The following KIAA1217 variants were observed in gnomAD, a reference collection of about 807,000 sequenced individuals.
KIAA1217 encodes the protein sickle tail protein homolog.
Under a neutral mutation model 163.9 loss-of-function variants are expected in KIAA1217, and 88 were observed. The observed-to-expected ratio is 0.54, with a 90% CI of 0.45 to 0.64. KIAA1217 has a LOEUF of 0.64. Among genes scored for constraint, KIAA1217 ranks in the 30% least tolerant of loss-of-function variants. The pLI is 0.00. For synonymous variants in KIAA1217, 903 were observed against 923.1 expected (o/e 0.98, Z 0.39); for missense variants, 2,372 against 2,475.0 (o/e 0.96, Z 0.88).
At chr10:24,002,396 C>G (rs906122197) in intron 1 of KIAA1217, among the ~76,000 whole-genome samples, 3 of 152,244 alleles carry the variant, frequency 2.0e-5, no homozygotes, top group Middle Eastern at 3.4e-3. Flanking sequence ...GCCCCCACCT[C>G]TAACCACGGA....
intron 5 of KIAA1217, chr10:24,466,627 T>G: frequency 2.0e-6 from 2 of 985,434 alleles, no homozygotes; most frequent in South Asian, 9.4e-5. Context: ...GATCTTTGTG[T>G]CTTTTGTGAT....
intron 2 of KIAA1217, among the ~76,000 whole-genome samples, chr10:24,133,317 A>G (rs936555190): frequency 2.0e-5 from 3 of 152,160 alleles, no homozygotes; most frequent in Admixed American, 6.5e-5. Flanking sequence ...TCATGCTATA[A>G]TCTCAGCATT....
chr10:24,269,016 A>T (rs1040955821), intron 2 of KIAA1217, among the ~76,000 whole-genome samples: 1 of 136,874 alleles, frequency 7.3e-6, no homozygotes, highest in African/African-American at 2.8e-5. Flanking sequence ...CAATGAGATC[A>T]CATGGACACA....
At chr10:23,886,237 C>A (rs1267543869) in intron 1 of KIAA1217, among the ~76,000 whole-genome samples, 1 of 151,920 alleles carries the variant, frequency 6.6e-6, no homozygotes, top group African/African-American at 2.4e-5. Flanking sequence ...CCTCTTATTG[C>A]TAACTGTGTG....
chr10:23,823,134 G>C (rs1837703965), intron 1 of KIAA1217, among the ~76,000 whole-genome samples: 1 of 152,204 alleles, frequency 6.6e-6, no homozygotes. Flanking sequence ...CCTCTGCTTA[G>C]AGTCTCACAA....
intron 1 of KIAA1217, among the ~76,000 whole-genome samples, chr10:23,876,305 A>G (rs1224925716): frequency 6.6e-6 from 1 of 151,750 alleles, no homozygotes; most frequent in East Asian, 2.0e-4. Context: ...TAAAGATGGG[A>G]ACAGTAGACA....
At chr10:23,897,670 A>G (rs1841765262) in intron 1 of KIAA1217, among the ~76,000 whole-genome samples, 2 of 152,090 alleles carry the variant, frequency 1.3e-5, no homozygotes, top group Admixed American at 6.6e-5. Flanking sequence ...ACTGGTGGCT[A>G]GGAGCCCTTA....
At chr10:23,800,829 A>G (rs1836433649) in intron 1 of KIAA1217, among the ~76,000 whole-genome samples, 1 of 152,178 alleles carries the variant, frequency 6.6e-6, no homozygotes, top group Non-Finnish European at 1.5e-5. Context: ...GAAACAACAG[A>G]TGCTGGGGAG....
At chr10:23,832,844 G>A (rs1172538368) in intron 1 of KIAA1217, among the ~76,000 whole-genome samples, 1 of 152,076 alleles carries the variant, frequency 6.6e-6, no homozygotes, top group Non-Finnish European at 1.5e-5. Flanking sequence ...CATGTGGCTG[G>A]GAAGGCCTCA....
intron 3 of KIAA1217, among the ~76,000 whole-genome samples, chr10:24,398,692 C>T (rs747662957): frequency 2.6e-5 from 4 of 151,732 alleles, no homozygotes; most frequent in Non-Finnish European, 5.9e-5. Flanking sequence ...CTGGATGGGC[C>T]GCCCGCATGC....
At chr10:24,010,384 AGT>A (rs1451280712) in intron 2 of KIAA1217, among the ~76,000 whole-genome samples, 1 of 152,198 alleles carries the variant, frequency 6.6e-6, no homozygotes, top group African/African-American at 2.4e-5. Context: ...TGTTCTTCTC[AGT>A]GATACTACCT....
intron 1 of KIAA1217, among the ~76,000 whole-genome samples, chr10:23,815,358 A>T (rs1837265079): frequency 1.3e-5 from 2 of 152,188 alleles, no homozygotes; most frequent in South Asian, 4.1e-4. Flanking sequence ...AAATTTAATA[A>T]TTTAGGCTGG....
At chr10:24,148,428 A>T (rs1356733813) in intron 2 of KIAA1217, among the ~76,000 whole-genome samples, 1 of 152,016 alleles carries the variant, frequency 6.6e-6, no homozygotes, top group Non-Finnish European at 1.5e-5. Context: ...TCTCATGTTG[A>T]AATGTAATCC....
intron 2 of KIAA1217, among the ~76,000 whole-genome samples, chr10:24,256,576 A>T (rs574376162): frequency 6.6e-6 from 1 of 152,296 alleles, no homozygotes; most frequent in East Asian, 1.9e-4. Context: ...TTGAAGTAGA[A>T]ATAGAATTAA....
At chr10:24,528,704 G>A (rs941621804) in intron 14 of KIAA1217, among the ~76,000 whole-genome samples, 2 of 152,190 alleles carry the variant, frequency 1.3e-5, no homozygotes, top group African/African-American at 4.8e-5. Flanking sequence ...GCCAATAAAG[G>A]AAAATTTAAA....
intron 2 of KIAA1217, among the ~76,000 whole-genome samples, chr10:24,325,129 T>C (rs1347405196): frequency 2.0e-5 from 3 of 152,244 alleles, no homozygotes; most frequent in Admixed American, 2.0e-4. Flanking sequence ...GCACTATATA[T>C]ACACAAAAAC....
chr10:24,538,360 G>T (rs957935597), intron 17 of KIAA1217, among the ~76,000 whole-genome samples: 1 of 152,110 alleles, frequency 6.6e-6, no homozygotes, highest in East Asian at 1.9e-4. Context: ...TCCAAGGGGG[G>T]TTATTGTTGA....
intron 2 of KIAA1217, among the ~76,000 whole-genome samples, chr10:24,326,243 T>G (rs2044868310): frequency 6.6e-6 from 1 of 152,208 alleles, no homozygotes; most frequent in South Asian, 2.1e-4. Context: ...GGCTACCATT[T>G]TAATCATTGT....
intron 2 of KIAA1217, among the ~76,000 whole-genome samples, chr10:24,057,856 T>C (rs1476153604): frequency 6.6e-6 from 1 of 152,164 alleles, no homozygotes; most frequent in Non-Finnish European, 1.5e-5. Context: ...CAGGTTGCCT[T>C]TTCACTCCAT....
Sources: allele counts gnomAD v4.1 joint callset (sites outside exome capture counted in the v4.1 genomes callset), GRCh38; gene constraint gnomAD v4.1.1; transcripts MANE v1.5; gene names NCBI Gene and HGNC (gene_info 2026-07-23, HGNC 2026-07-21).